Variants in ELOVL7 observed in about 807,000 individuals in gnomAD.
ELOVL7 encodes the protein very long chain fatty acid elongase 7.
In ELOVL7, 27 loss-of-function variants were observed where a neutral mutation model predicts 35.7. The ratio of observed to expected loss-of-function variants is 0.76; its 90% CI spans 0.56 to 1.04. The LOEUF (loss-of-function observed/expected upper bound fraction) is 1.04, where lower values mean the gene tolerates loss of function less well. Ranked by LOEUF, ELOVL7 falls within the 50% of genes least tolerant of loss-of-function variation. The probability of loss-of-function intolerance (pLI) is 0.00; values close to 1 mark genes in which losing one functional copy is unlikely to be tolerated. For synonymous variants in ELOVL7, 113 were observed against 114.6 expected, an observed-to-expected ratio of 0.99 and a Z score of 0.09; for missense variants, 327 against 340.8, an observed-to-expected ratio of 0.96 and a Z score of 0.32.
intron 1 of ELOVL7, among the ~76,000 whole-genome samples, chr5:60,817,872 G>T (rs891460592): frequency 6.7e-6 from 1 of 148,196 alleles, no homozygotes; most frequent in Non-Finnish European, 1.5e-5. Flanking sequence ...ATATATACTT[G>T]CATGAAAGAT....
intron 1 of ELOVL7, among the ~76,000 whole-genome samples, chr5:60,807,157 T>A (rs185468803): frequency 6.6e-6 from 1 of 151,962 alleles, no homozygotes; most frequent in East Asian, 1.9e-4. Context: ...CTAACAATCC[T>A]AATTTTGTTT....
chr5:60,774,084 A>T (rs1742760614), intron 3 of ELOVL7, among the ~76,000 whole-genome samples: 1 of 152,250 alleles, frequency 6.6e-6, no homozygotes, highest in African/African-American at 2.4e-5. Flanking sequence ...AATCCTACTG[A>T]AACTATTCCA....
At chr5:60,787,560 G>A in intron 2 of ELOVL7, 129 bp from the exon 3 acceptor site, 2 of 527,886 alleles carry the variant, frequency 3.8e-6, no homozygotes, top group Non-Finnish European at 6.5e-6. Flanking sequence ...AACTCCCACT[G>A]AAGGCAAATG....
At position 60,754,684 on chromosome 5, in the gene ELOVL7, G is replaced by C; in HGVS notation, c.786C>G (p.Thr262=). ...LFLHFWYRAY[T]KGQRLPKTVK... ...CAGTTTTGGGCAACCTCTGACCTTT[G>C]GTGTAAGCACGGTACCAAAAATGGA... The change falls in exon 9 of 9, where the codon ACC becomes ACG. Residue 262 remains threonine (T), a synonymous_variant. Transcript: ENST00000508821. The C allele has an allele frequency of 6.2e-7, 1 of 1,613,952 alleles. No individual in the cohort carries two copies. Among genetic ancestry groups the C allele is most frequent in the Non-Finnish European group, 8.5e-7 (1 of 1,180,006 alleles).
At chr5:60,824,797 CA>C (rs1407877118) in intron 1 of ELOVL7, among the ~76,000 whole-genome samples, 1 of 152,140 alleles carries the variant, frequency 6.6e-6, no homozygotes, top group Non-Finnish European at 1.5e-5. Flanking sequence ...TTAAAAACAA[CA>C]AAACAAAAAC....
At chr5:60,786,270 T>A (rs969810287) in intron 3 of ELOVL7, among the ~76,000 whole-genome samples, 1 of 152,224 alleles carries the variant, frequency 6.6e-6, no homozygotes, top group African/African-American at 2.4e-5. Context: ...GATTCTTTTT[T>A]TTGAAATTTT....
At chr5:60,797,022 G>A (rs1744303608) in intron 2 of ELOVL7, among the ~76,000 whole-genome samples, 2 of 152,202 alleles carry the variant, frequency 1.3e-5, no homozygotes, top group Admixed American at 6.5e-5. Flanking sequence ...GAATATTTTT[G>A]AGGAAACACT....
chr5:60,827,263 C>T (rs1229288126), intron 1 of ELOVL7, among the ~76,000 whole-genome samples: 1 of 152,028 alleles, frequency 6.6e-6, no homozygotes, highest in East Asian at 1.9e-4. Flanking sequence ...GGAAAAGATG[C>T]CAGAAAAAAC....
intron 3 of ELOVL7, among the ~76,000 whole-genome samples, chr5:60,780,181 A>G (rs995918346): frequency 2.8e-5 from 4 of 142,546 alleles, no homozygotes; most frequent in Admixed American, 7.5e-5. Flanking sequence ...GTGCAACGGT[A>G]CGATCTCGGC....
Position 60,771,891 on chromosome 5 carries a change from G to A in ELOVL7, c.255+12C>T, listed in dbSNP as rs192069907. 554 of 1,562,562 alleles carry A rather than the reference G, an allele frequency of 3.5e-4. 1 individual carries two copies. The African/African-American group carries it at 6.6e-3, about 19-fold the overall frequency. On this transcript the variant is annotated intron_variant, in intron 4 of 8. Transcript: ENST00000508821. ...GCAAAATTCTCCCATTAGGAATACT[G>A]AAGACACTTGCCTCATAACACATAT...
At chr5:60,755,598 A>C (rs959505119) in intron 8 of ELOVL7, among the ~76,000 whole-genome samples, 4 of 152,162 alleles carry the variant, frequency 2.6e-5, no homozygotes, top group Admixed American at 6.5e-5. Flanking sequence ...CGGAGGTTGC[A>C]GTGAGCCGAG....
intron 2 of ELOVL7, among the ~76,000 whole-genome samples, chr5:60,790,860 A>G (rs1475041021): frequency 6.6e-6 from 1 of 152,242 alleles, no homozygotes; most frequent in African/African-American, 2.4e-5. Flanking sequence ...TGAGAACCAT[A>G]TTAAATAATA....
chr5:60,808,837 A>T (rs1201248953), intron 1 of ELOVL7, among the ~76,000 whole-genome samples: 5 of 152,224 alleles, frequency 3.3e-5, no homozygotes, highest in African/African-American at 4.8e-5. Flanking sequence ...TCTGAACTGT[A>T]TTTCTGTTAA....
intron 7 of ELOVL7, among the ~76,000 whole-genome samples, chr5:60,761,492 T>C (rs1480782356): frequency 6.6e-6 from 1 of 152,170 alleles, no homozygotes; most frequent in Non-Finnish European, 1.5e-5. Context: ...CAGCTTTTGT[T>C]GCTGTGCTTG....
At chr5:60,771,295 T>A (rs1742574371) in intron 4 of ELOVL7, among the ~76,000 whole-genome samples, 1 of 152,038 alleles carries the variant, frequency 6.6e-6, no homozygotes, top group Admixed American at 6.6e-5. Context: ...TGTTTTAGGG[T>A]CCTGGAAGAG....
intron 1 of ELOVL7, among the ~76,000 whole-genome samples, chr5:60,821,128 A>G (rs937678663): frequency 5.3e-5 from 8 of 152,220 alleles, no homozygotes; most frequent in African/African-American, 1.7e-4. Context: ...CATCCACTGT[A>G]CACAAGGCCA....
At chr5:60,843,677 G>GA (rs1330910083) in intron 1 of ELOVL7, 1 of 152,400 alleles carries the variant, frequency 6.6e-6, no homozygotes, top group Non-Finnish European at 1.5e-5. Context: ...CCGGAGCTGG[G>GA]AAAATGACCT....
intron 1 of ELOVL7, among the ~76,000 whole-genome samples, chr5:60,818,190 C>T (rs1015642915): frequency 6.6e-6 from 1 of 151,152 alleles, no homozygotes; most frequent in Non-Finnish European, 1.5e-5. Context: ...TGGTGGCGGG[C>T]GCCTATAATC....
intron 3 of ELOVL7, among the ~76,000 whole-genome samples, chr5:60,781,311 T>C (rs541751271): frequency 2.0e-5 from 3 of 152,196 alleles, no homozygotes; most frequent in African/African-American, 7.2e-5. Flanking sequence ...AGTTGACTTT[T>C]GTTTTTTCTT....
Sources: gnomAD v4.1 joint callset for allele counts (sites outside exome capture counted in the v4.1 genomes callset) on GRCh38, gnomAD v4.1.1 for gene constraint, MANE v1.5 for transcripts, NCBI Gene and HGNC (gene_info 2026-07-23, HGNC 2026-07-21) for gene names.